The following ZNF337 variants were observed in gnomAD, a reference collection of about 807,000 sequenced individuals.
The protein encoded by ZNF337 is zinc finger protein 337.
A neutral mutation model predicts 12.1 loss-of-function variants in ZNF337; 8 were observed. The ratio of observed to expected loss-of-function variants is 0.66; its 90% CI spans 0.39 to 1.19. ZNF337 has a LOEUF of 1.19. ZNF337 is among the 50% of genes most tolerant of loss of function. The pLI is 0.01. For synonymous variants in ZNF337, 336 were observed against 320.0 expected, an observed-to-expected ratio of 1.05 and a Z score of -0.53; for missense variants, 882 against 896.6, an observed-to-expected ratio of 0.98 and a Z score of 0.21.
chr20:25,681,819 A>T (rs1385802025), intron 4 of ZNF337, among the ~76,000 whole-genome samples: 1 of 152,250 alleles, frequency 6.6e-6, no homozygotes. Flanking sequence ...AAGAAACATT[A>T]TAATACTACT....
At chr20:25,689,149 A>G in intron 1 of ZNF337, among the ~76,000 whole-genome samples, 1 of 150,240 alleles carries the variant, frequency 6.7e-6, no homozygotes, top group East Asian at 2.0e-4. Context: ...AAAAAAAAAA[A>G]AAAAATTAGT....
chr20:25,684,035 GGGTT>G (rs2065797969), intron 4 of ZNF337, among the ~76,000 whole-genome samples: 1 of 151,984 alleles, frequency 6.6e-6, no homozygotes, highest in Non-Finnish European at 1.5e-5. Context: ...AAAAAATGAT[GGGTT>G]CATGTCCTTT....
chr20:25,674,144 G>A lies in ZNF337; in HGVS notation c.*888C>T, dbSNP rs2065646668. 6.6e-6 allele frequency: 1 copy of A among 152,232 alleles called. No individual in the cohort carries two copies. The highest frequency in any genetic ancestry group is 2.4e-5 in the African/African-American group (1 of 41,444). The allele number at this position is 152,232 out of a possible 1,614,324, so 9.4% of individuals were successfully genotyped here. A position where few individuals can be genotyped will look rare whatever the true frequency, so the allele number is the denominator to read the frequency against. On this transcript the variant is annotated 3_prime_UTR_variant, in exon 5 of 5. Transcript: ENST00000252979. ...AGATTTTATTTCCAGATATGACTGT[G>A]AGAGAATGATGAGGGGAGCAGTTAC...
intron 4 of ZNF337, among the ~76,000 whole-genome samples, chr20:25,684,515 C>T (rs73597839): frequency 1.3e-5 from 2 of 152,102 alleles, no homozygotes; most frequent in Non-Finnish European, 2.9e-5. Flanking sequence ...GAATGCTTTT[C>T]CTCTGTTGGT....
At chr20:25,685,305 C>T (rs1007546307) in intron 4 of ZNF337, among the ~76,000 whole-genome samples, 1 of 152,042 alleles carries the variant, frequency 6.6e-6, no homozygotes, top group African/African-American at 2.4e-5. Context: ...CGGGCAGTCA[C>T]GAGGAAAGTC....
At position 25,676,426 on chromosome 20, in the gene ZNF337, C is replaced by CTG. The variant is rs766837660; in HGVS notation, c.860_861dup (p.Gly288GlnfsTer25). On this transcript the variant is annotated frameshift_variant, in exon 5 of 5. Transcript: ENST00000252979. LOFTEE classifies it low-confidence loss of function (END_TRUNC). ...TCCTGGCATTCATAAGGCTTCTCTC[C>CTG]TGTGTGTGTTCTCTCATGCACAGTG... The CTG allele has an allele frequency of 1.2e-5, 19 of 1,614,164 alleles. No homozygotes were observed. In the South Asian group the frequency reaches 2.1e-4, roughly 18 times the overall value.
At chr20:25,688,781 G>C (rs2065856196) in intron 1 of ZNF337, among the ~76,000 whole-genome samples, 1 of 152,198 alleles carries the variant, frequency 6.6e-6, no homozygotes, top group African/African-American at 2.4e-5. Context: ...ATTCATCCAA[G>C]AAGCTACCTT....
At chr20:25,695,083 CA>C (rs2065909703) in intron 1 of ZNF337, among the ~76,000 whole-genome samples, 1 of 152,150 alleles carries the variant, frequency 6.6e-6, no homozygotes, top group African/African-American at 2.4e-5. Context: ...CCAGCCTCAG[CA>C]ACATGGTGAA....
chr20:25,690,243 GGCAACAGA>G (rs2065873333), intron 1 of ZNF337, among the ~76,000 whole-genome samples: 1 of 152,042 alleles, frequency 6.6e-6, no homozygotes, highest in South Asian at 2.1e-4. Flanking sequence ...CTCCAGCTTG[GGCAACAGA>G]GCAAGACATA....
In ZNF337 at chr20:25,673,417, T is replaced by C. The variant is rs2065638479; in HGVS notation, c.*1615A>G. Among the ~76,000 whole-genome samples the C allele has an allele frequency of 1.3e-5, 2 of 152,186 alleles. No individual in the cohort carries two copies. The highest frequency in any genetic ancestry group is 2.4e-5 in the African/African-American group (1 of 41,436). On this transcript the variant is annotated 3_prime_UTR_variant, in exon 5 of 5. Transcript: ENST00000252979. ...CACATGCTCATTAAGCTGGCCTTAATTGTGAAGGTTCTGTGGTAATGAATG... is the reference window on the plus strand; with the variant it reads ...CACATGCTCATTAAGCTGGCCTTAACTGTGAAGGTTCTGTGGTAATGAATG...
chr20:25,686,304 C>G, intron 2 of ZNF337, 87 bp downstream of exon 2: 1 of 1,478,224 alleles, frequency 6.8e-7, no homozygotes, highest in Non-Finnish European at 9.4e-7. Flanking sequence ...TGGCCTTGGT[C>G]CTGTGCTAAT....
intron 1 of ZNF337, among the ~76,000 whole-genome samples, chr20:25,691,805 T>C (rs1166501531): frequency 6.6e-6 from 1 of 152,162 alleles, no homozygotes; most frequent in African/African-American, 2.4e-5. Flanking sequence ...TTCCGTGTAG[T>C]TTAAATGGTT....
At position 25,675,592 on chromosome 20, in the gene ZNF337, G is replaced by T. The variant is rs779480740; in HGVS notation, c.1696C>A (p.His566Asn). 2.0e-5 allele frequency: 33 copies of T among 1,613,960 alleles called. No homozygotes were observed. The highest frequency in any genetic ancestry group is 2.7e-5 in the Non-Finnish European group (32 of 1,179,992). Residue 566 changes from histidine (H) to asparagine (N), a missense_variant, in exon 5 of 5, where the codon CAC becomes AAC. Physicochemically the swap from His to Asn is moderately conservative, Grantham distance 68. Coordinates refer to ENST00000252979, the MANE Select transcript of ZNF337 (RefSeq NM_015655.4). ...KANLLRHQWT[H>N]SGERPFNCKD... ...CAATTAAATGGCCTTTCCCCCGAGT[G>T]TGTCCACTGATGTCTAAGAAGATTT...
chr20:25,675,154 G>C lies in ZNF337; in HGVS notation c.2134C>G (p.Pro712Ala). 4 of 1,614,198 alleles carry C rather than the reference G, an allele frequency of 2.5e-6. No individual in the cohort carries two copies. Among genetic ancestry groups the C allele is most frequent in the Non-Finnish European group, 3.4e-6 (4 of 1,180,028 alleles). ...VHERIHTGERPYECQECGRKF... is the reference protein window; with the variant it reads ...VHERIHTGERAYECQECGRKF... ...CGTCCACACTCTTGGCATTCATAAG[G>C]CCTCTCTCCTGTGTGTATTCTTTCA... Residue 712 changes from proline to alanine, a missense_variant, in exon 5 of 5, where the codon CCT becomes GCT. Transcript: ENST00000252979.
At chr20:25,694,795 G>A (rs532663071) in intron 1 of ZNF337, among the ~76,000 whole-genome samples, 9 of 152,194 alleles carry the variant, frequency 5.9e-5, no homozygotes, top group Non-Finnish European at 8.8e-5. Flanking sequence ...AGCAGATGCT[G>A]AAGGAAATTA....
At chr20:25,696,581 A>T (rs2065932583) in intron 1 of ZNF337, among the ~76,000 whole-genome samples, 178 bp downstream of exon 1, 2 of 152,178 alleles carry the variant, frequency 1.3e-5, no homozygotes, top group African/African-American at 4.8e-5. Flanking sequence ...CCGCAGCCCC[A>T]CCGCCCACTT....
intron 1 of ZNF337, among the ~76,000 whole-genome samples, chr20:25,691,836 C>T (rs2065884517): frequency 6.6e-6 from 1 of 152,144 alleles, no homozygotes; most frequent in Non-Finnish European, 1.5e-5. Flanking sequence ...TTCTAAATTA[C>T]CAGTTATGGT....
chr20:25,677,200 G>A (rs2065710213), intron 4 of ZNF337, 163 bp from the exon 5 acceptor site: 1 of 648,298 alleles, frequency 1.5e-6, no homozygotes, highest in East Asian at 2.8e-5. Context: ...GCAGGGCAGG[G>A]AGGAATTCTT....
In ZNF337 at chr20:25,674,784, G is replaced by T; in HGVS notation, c.*248C>A. 1.8e-6 allele frequency: 1 copy of T among 551,860 alleles called. No individual in the cohort carries two copies. Among genetic ancestry groups the T allele is most frequent in the Non-Finnish European group, 3.2e-6 (1 of 309,742 alleles). The allele number at this position is 551,860 out of a possible 1,614,324, so 34.2% of individuals were successfully genotyped here. On this transcript the variant is annotated 3_prime_UTR_variant, in exon 5 of 5. Coordinates refer to ENST00000252979, the MANE Select transcript of ZNF337 (RefSeq NM_015655.4). Reference sequence around the variant, plus strand: ...AAGAATATGTGCTCAGTAGGAAAGAGACCACATTTCCCCAATAGCCCAGGT... The same window carrying T: ...AAGAATATGTGCTCAGTAGGAAAGATACCACATTTCCCCAATAGCCCAGGT...
Sources: gnomAD v4.1 joint callset for allele counts (sites outside exome capture counted in the v4.1 genomes callset) on GRCh38, gnomAD v4.1.1 for gene constraint, MANE v1.5 for transcripts, NCBI Gene and HGNC (gene_info 2026-07-23, HGNC 2026-07-21) for gene names.